The following ARID4A variants were observed in gnomAD, a reference collection of about 807,000 sequenced individuals.
ARID4A encodes AT-rich interactive domain-containing protein 4A.
Under a neutral mutation model 148.6 loss-of-function variants are expected in ARID4A, and 39 were observed. That is an observed-to-expected ratio of 0.26 (90% CI 0.20 to 0.34). The LOEUF (loss-of-function observed/expected upper bound fraction) is 0.34, where lower values mean the gene tolerates loss of function less well. Among genes scored for constraint, ARID4A ranks in the 10% least tolerant of loss-of-function variants. ARID4A has a pLI of 1.00. For synonymous variants in ARID4A, 475 were observed against 481.2 expected, an observed-to-expected ratio of 0.99 and a Z score of 0.17; for missense variants, 1,265 against 1,449.1, an observed-to-expected ratio of 0.87 and a Z score of 2.06.
Position 58,373,211 on chromosome 14 carries a change from C to T in ARID4A, c.*1222C>T, listed in dbSNP as rs986835143. 4 of 199,724 alleles carry T rather than the reference C, an allele frequency of 2.0e-5. No individual in the cohort carries two copies. Among genetic ancestry groups the T allele is most frequent in the African/African-American group, 6.9e-5 (3 of 43,434 alleles). 12.4% of individuals were successfully genotyped at this position (199,724 alleles called of 1,614,324 possible). A position where few individuals can be genotyped will look rare whatever the true frequency, so the allele number is the denominator to read the frequency against. ...TATACTGCCGAATGAATTTATATCT[C>T]CCAAAGTTGAGATGCAACAACTAAG... On this transcript the variant is annotated 3_prime_UTR_variant, in exon 24 of 24. Coordinates refer to ENST00000355431, the MANE Select transcript of ARID4A (RefSeq NM_002892.4).
chr14:58,366,181 A>G lies in ARID4A; in HGVS notation c.3474A>G (p.Glu1158=). The change falls in exon 22 of 24, where the codon GAA becomes GAG. Residue 1158 remains glutamate (E), a synonymous_variant. Coordinates refer to ENST00000355431, the MANE Select transcript of ARID4A (RefSeq NM_002892.4). ...IKDGEKDKHR[E]KHPNSSPRTY... The stretch of plus-strand genomic sequence containing the variant: ...ATGGAGAGAAAGATAAACACAGAGA[A>G]AAACATCCGAATTCATCCCCTAGGA... The G allele has an allele frequency of 6.2e-7, 1 of 1,613,976 alleles. No homozygotes were observed. The highest frequency in any genetic ancestry group is 8.5e-7 in the Non-Finnish European group (1 of 1,179,880).
At position 58,320,919 on chromosome 14, in the gene ARID4A, G is replaced by A. The variant is rs564932193; in HGVS notation, c.449+2114G>A. Reference sequence around the variant, plus strand: ...ACCACGCCCAGCCGATGACATTGACGTTTTTGAAGAATACAAGACAATAGT... The same window carrying A: ...ACCACGCCCAGCCGATGACATTGACATTTTTGAAGAATACAAGACAATAGT... On this transcript the variant is annotated intron_variant, in intron 7 of 23. Coordinates refer to ENST00000355431, the MANE Select transcript of ARID4A (RefSeq NM_002892.4). 2.4e-4 allele frequency among the ~76,000 whole-genome samples: 37 copies of A among 152,176 alleles called. No individual in the cohort carries two copies. The South Asian group carries it at 4.4e-3, about 18-fold the overall frequency.
chr14:58,305,802 G>A (rs2031554318), intron 4 of ARID4A, among the ~76,000 whole-genome samples: 1 of 152,196 alleles, frequency 6.6e-6, no homozygotes, highest in South Asian at 2.1e-4. Context: ...AGTGTGTAAA[G>A]TAGGGGTAAT....
intron 11 of ARID4A, among the ~76,000 whole-genome samples, chr14:58,335,809 A>G (rs2033785558): frequency 6.6e-6 from 1 of 152,092 alleles, no homozygotes; most frequent in Non-Finnish European, 1.5e-5. Flanking sequence ...CCAATCAGAT[A>G]CCCAGTCCAT....
Position 58,371,920 on chromosome 14 carries a change from A to T in ARID4A, c.3705A>T (p.Ser1235=). ...CGGGAGCCTCCATGTCATCTGCTTC[A>T]TCAGACACTGGAATGAGTCCCTCAT... ...SHAGASMSSA[S]SDTGMSPSSS... Residue 1235 remains serine (S), a synonymous_variant, in exon 24 of 24, where the codon TCA becomes TCT. Transcript: ENST00000355431. 6.2e-7 allele frequency: 1 copy of T among 1,613,470 alleles called. No individual in the cohort carries two copies. Among genetic ancestry groups the T allele is most frequent in the African/African-American group, 1.3e-5 (1 of 75,038 alleles).
intron 11 of ARID4A, among the ~76,000 whole-genome samples, chr14:58,344,201 A>G (rs2034247604): frequency 6.6e-6 from 1 of 152,178 alleles, no homozygotes; most frequent in South Asian, 2.1e-4. Flanking sequence ...TGTGCCATCT[A>G]AACAGAAATC....
chr14:58,329,728 T>TA, intron 10 of ARID4A, 124 bp downstream of exon 10: 1 of 980,002 alleles, frequency 1.0e-6, no homozygotes. Context: ...TATCCACTCT[T>TA]ACTTGATTTT....
rs1458795452 is a variant in ARID4A at position 58,366,996 on chromosome 14, A to C, written c.3637A>C (p.Arg1213=). The C allele has an allele frequency of 6.7e-7, 1 of 1,501,764 alleles. No individual in the cohort carries two copies. The highest frequency in any genetic ancestry group is 8.8e-7 in the Non-Finnish European group (1 of 1,133,734). 93.0% of individuals were successfully genotyped at this position (1,501,764 alleles called of 1,614,324 possible). A position where few individuals can be genotyped will look rare whatever the true frequency, so the allele number is the denominator to read the frequency against. ...LKSEVATIDR[R]RKRLKKKDRE... The stretch of plus-strand genomic sequence containing the variant: ...GTCTGAAGTTGCAACCATAGACAGG[A>C]GGAGAAAAAGATTAAAAAAGAAAGA... The change falls in exon 23 of 24, where the codon AGG becomes CGG. Residue 1213 remains arginine (R), a synonymous_variant. Transcript: ENST00000355431.
chr14:58,323,056 A>G (rs1212987513), intron 7 of ARID4A, among the ~76,000 whole-genome samples: 1 of 149,370 alleles, frequency 6.7e-6, no homozygotes, highest in East Asian at 1.9e-4. Context: ...CAGATAAGTT[A>G]CCTTAAGTAA....
At chr14:58,355,223 C>G (rs1364536737) in intron 17 of ARID4A, among the ~76,000 whole-genome samples, 1 of 152,022 alleles carries the variant, frequency 6.6e-6, no homozygotes, top group Non-Finnish European at 1.5e-5. Context: ...TAGATGTGTG[C>G]TCTGTTATAA....
intron 17 of ARID4A, among the ~76,000 whole-genome samples, chr14:58,356,196 T>C (rs2034857182): frequency 6.6e-6 from 1 of 152,206 alleles, no homozygotes; most frequent in Non-Finnish European, 1.5e-5. Flanking sequence ...CTACATGATA[T>C]ATTGCTTTGT....
At position 58,364,999 on chromosome 14, in the gene ARID4A, G is replaced by A; in HGVS notation, c.2910G>A (p.Lys970=). 2.5e-6 allele frequency: 4 copies of A among 1,614,140 alleles called. No individual in the cohort carries two copies. The highest frequency in any genetic ancestry group is 1.1e-5 in the South Asian group (1 of 91,078). The stretch of plus-strand genomic sequence containing the variant: ...TAGATTTGGATGATTTGGATGAAAA[G>A]GATAAGACCAGCATTGAGGATGTAG... The part of the protein sequence containing the change: ...HEVDLDDLDE[K]DKTSIEDVAV... The change falls in exon 20 of 24, where the codon AAG becomes AAA. Residue 970 remains lysine, a synonymous_variant. Transcript: ENST00000355431.
chr14:58,329,821 G>A (rs777590118), intron 10 of ARID4A, among the ~76,000 whole-genome samples, 182 bp from the exon 11 acceptor site: 6 of 151,918 alleles, frequency 3.9e-5, no homozygotes, highest in African/African-American at 1.2e-4. Context: ...ACAGTATTCC[G>A]TAAAGTAATA....
chr14:58,309,251 G>A (rs1415010174), intron 5 of ARID4A, among the ~76,000 whole-genome samples: 6 of 152,188 alleles, frequency 3.9e-5, no homozygotes, highest in South Asian at 2.1e-4. Context: ...AAAGTGTTGG[G>A]ATTACAGGCA....
At chr14:58,299,717 G>A in intron 1 of ARID4A, 81 bp from the exon 2 acceptor site, 1 of 1,228,170 alleles carries the variant, frequency 8.1e-7, no homozygotes, top group Non-Finnish European at 1.2e-6. Flanking sequence ...CTCCCCGCTG[G>A]CGTTTGTTTA....
intron 11 of ARID4A, among the ~76,000 whole-genome samples, chr14:58,340,223 ACTT>A (rs141489412): frequency 0.039 from 5,963 of 150,980 alleles, 147 homozygotes; most frequent in Non-Finnish European, 0.058. Flanking sequence ...TTTTTTTTCT[ACTT>A]CTTCTTCTTC....
chr14:58,319,521 C>CTTTTTTTTTTTTTT lies in ARID4A; in HGVS notation c.449+742_449+755dup, dbSNP rs71107934. ...ATCTGTGTATGAATGTCTATATACTCTTTTTTTTTTTTTTTTTTTTTTTTT... is the reference window on the plus strand; with the variant it reads ...ATCTGTGTATGAATGTCTATATACTCTTTTTTTTTTTTTTTTTTTTTTTTTTTTTTTTTTTTTTT... On this transcript the variant is annotated intron_variant, in intron 7 of 23. Coordinates refer to ENST00000355431, the MANE Select transcript of ARID4A (RefSeq NM_002892.4). Among the ~76,000 whole-genome samples the CTTTTTTTTTTTTTT allele has an allele frequency of 3.2e-5, 2 of 62,096 alleles. 1 individual carries two copies. Among genetic ancestry groups the CTTTTTTTTTTTTTT allele is most frequent in the African/African-American group, 1.3e-4 (2 of 15,194 alleles). 40.7% of individuals were successfully genotyped at this position (62,096 alleles called of 152,430 possible).
chr14:58,322,488 A>G (rs926694122), intron 7 of ARID4A, among the ~76,000 whole-genome samples: 5 of 152,192 alleles, frequency 3.3e-5, no homozygotes, highest in Admixed American at 2.0e-4. Flanking sequence ...AAAGATCAGT[A>G]GATGCAGTCA....
At chr14:58,367,788 G>A (rs1350033880) in intron 23 of ARID4A, among the ~76,000 whole-genome samples, 2 of 152,114 alleles carry the variant, frequency 1.3e-5, no homozygotes, top group African/African-American at 2.4e-5. Flanking sequence ...AAGGACAAGA[G>A]AATGACCACA....
Sources: gnomAD v4.1 joint callset for allele counts (sites outside exome capture counted in the v4.1 genomes callset) on GRCh38, gnomAD v4.1.1 for gene constraint, MANE v1.5 for transcripts, NCBI Gene and HGNC (gene_info 2026-07-23, HGNC 2026-07-21) for gene names.